Variants in UGT3A1 observed in about 807,000 individuals in gnomAD.
The protein encoded by UGT3A1 is UDP glycosyltransferase family 3 member A1.
UGT3A1 carries 40 observed loss-of-function variants against 37.6 expected under a neutral mutation model. The observed-to-expected ratio is 1.06, with a 90% confidence interval of 0.83 to 1.38. The LOEUF (loss-of-function observed/expected upper bound fraction) is 1.38, where lower values mean the gene tolerates loss of function less well. Ranked by LOEUF, UGT3A1 falls within the 40% of genes most tolerant of loss-of-function variation. The pLI is 0.00. For missense variants in UGT3A1, 642 were observed against 634.2 expected, an observed-to-expected ratio of 1.01 and a Z score of -0.13; for synonymous variants, 256 against 232.3, an observed-to-expected ratio of 1.10 and a Z score of -0.93.
intron 2 of UGT3A1, among the ~76,000 whole-genome samples, chr5:35,968,828 G>A (rs1022413317): frequency 1.3e-5 from 2 of 152,126 alleles, no homozygotes; most frequent in African/African-American, 4.8e-5. Flanking sequence ...TCCAAACCAA[G>A]CAAGCCAGGC....
intron 2 of UGT3A1, among the ~76,000 whole-genome samples, chr5:35,973,328 T>C (rs1561464423): frequency 2.0e-5 from 3 of 152,272 alleles, no homozygotes; most frequent in Non-Finnish European, 4.4e-5. Context: ...ACAATATGTA[T>C]GACAAAAATC....
In UGT3A1 at chr5:35,991,282, C is replaced by A. The variant is rs1252206341; in HGVS notation, c.-42G>T. The A allele has an allele frequency of 6.2e-7, 1 of 1,612,686 alleles. No homozygotes were observed. The highest frequency in any genetic ancestry group is 1.7e-5 in the Admixed American group (1 of 59,958). On this transcript the variant is annotated 5_prime_UTR_variant, in exon 1 of 7. Coordinates refer to ENST00000274278, the MANE Select transcript of UGT3A1 (RefSeq NM_152404.4). ...GCAGCGGATCTCAGCCTGGGCTGCGCGCCCTGCGCCGGGCTAAGGACTCTG... is the reference window on the plus strand; with the variant it reads ...GCAGCGGATCTCAGCCTGGGCTGCGAGCCCTGCGCCGGGCTAAGGACTCTG...
intron 2 of UGT3A1, among the ~76,000 whole-genome samples, chr5:35,971,864 C>T (rs1740054485): frequency 6.6e-6 from 1 of 152,182 alleles, no homozygotes; most frequent in South Asian, 2.1e-4. Flanking sequence ...AACCACCCCA[C>T]TTGTGAAGCA....
At chr5:35,974,178 C>G (rs1262770572) in intron 2 of UGT3A1, among the ~76,000 whole-genome samples, 2 of 152,124 alleles carry the variant, frequency 1.3e-5, no homozygotes, top group Non-Finnish European at 2.9e-5. Flanking sequence ...CAGCTTTTTA[C>G]TAGTGTGGCT....
At chr5:35,994,333 T>TTGTGTGTGTGTGTGTGTG (rs35026618), upstream of UGT3A1, among the ~76,000 whole-genome samples, 2 of 138,554 alleles carry the variant, frequency 1.4e-5, no homozygotes, top group South Asian at 2.5e-4. Context: ...TTTGTTTTGT[T>TTGTGTGTGTGTGTGTGTG]TGTGTGTGTG....
chr5:35,982,063 G>A (rs1740545467), intron 2 of UGT3A1, among the ~76,000 whole-genome samples: 1 of 152,264 alleles, frequency 6.6e-6, no homozygotes, highest in Admixed American at 6.5e-5. Flanking sequence ...ATGTGCAGAA[G>A]GCAAGAGTTG....
chr5:35,999,093 C>A (rs1331319837), intron 1 of UGT3A1, among the ~76,000 whole-genome samples: 5 of 151,846 alleles, frequency 3.3e-5, no homozygotes, highest in South Asian at 2.1e-4. Context: ...AAAAGTTAGC[C>A]GGGCATGGTG....
At position 35,954,319 on chromosome 5, in the gene UGT3A1, G is replaced by A; in HGVS notation, c.1455C>T (p.Leu485=). 1.2e-6 allele frequency: 2 copies of A among 1,614,218 alleles called. No homozygotes were observed. Among genetic ancestry groups the A allele is most frequent in the Non-Finnish European group, 1.7e-6 (2 of 1,180,042 alleles). Reference sequence around the variant, plus strand: ...CCAGCAGAAACACAAAGACATCAATGAGGTACTGCTCATGCCAAGGCTGCT... The same window carrying A: ...CCAGCAGAAACACAAAGACATCAATAAGGTACTGCTCATGCCAAGGCTGCT... ...AFQQPWHEQY[L]IDVFVFLLGL... Residue 485 remains leucine (L), a synonymous_variant, in exon 7 of 7, where the codon CTC becomes CTT. Coordinates refer to ENST00000274278, the MANE Select transcript of UGT3A1 (RefSeq NM_152404.4).
chr5:35,967,021 G>A (rs186155679), intron 3 of UGT3A1, among the ~76,000 whole-genome samples: 197 of 152,196 alleles, frequency 1.3e-3, no homozygotes, highest in African/African-American at 4.5e-3. Context: ...CTTCCCAAAA[G>A]TATAACATTA....
In UGT3A1 at chr5:35,951,573, A is replaced by T. The variant is rs1246965591; in HGVS notation, c.*2629T>A. ...CATAGGTTCTTTCTTCAATTTTAAT[A>T]GTTCTTAGTTTATCAGAAATATTAG... On this transcript the variant is annotated 3_prime_UTR_variant, in exon 7 of 7. Coordinates refer to ENST00000274278, the MANE Select transcript of UGT3A1 (RefSeq NM_152404.4). The T allele has an allele frequency of 6.6e-6, 1 of 152,204 alleles. No individual in the cohort carries two copies. Among genetic ancestry groups the T allele is most frequent in the Non-Finnish European group, 1.5e-5 (1 of 68,036 alleles). 9.4% of individuals were successfully genotyped at this position (152,204 alleles called of 1,614,324 possible).
chr5:35,975,060 C>T (rs969573372), intron 2 of UGT3A1, among the ~76,000 whole-genome samples: 1 of 152,224 alleles, frequency 6.6e-6, no homozygotes, highest in Non-Finnish European at 1.5e-5. Flanking sequence ...TAAATGCTCA[C>T]TTAAGGGTGA....
At chr5:35,984,935 T>C (rs1206605742) in intron 2 of UGT3A1, among the ~76,000 whole-genome samples, 1 of 152,074 alleles carries the variant, frequency 6.6e-6, no homozygotes, top group Admixed American at 6.5e-5. Context: ...CTTTAAGATA[T>C]ATTCTATAAG....
chr5:35,996,454 A>C (rs1273524561), intron 2 of UGT3A1, among the ~76,000 whole-genome samples: 2 of 152,206 alleles, frequency 1.3e-5, no homozygotes, highest in Non-Finnish European at 2.9e-5. Context: ...GGGTGTGTCT[A>C]ATAAAACAAT....
chr5:35,994,540 C>T (rs1741049362), upstream of UGT3A1, among the ~76,000 whole-genome samples: 1 of 152,078 alleles, frequency 6.6e-6, no homozygotes, highest in Admixed American at 6.5e-5. Context: ...GAAGCACTCC[C>T]TAAGATGTTC....
At chr5:35,976,394 C>T (rs1353290310) in intron 2 of UGT3A1, among the ~76,000 whole-genome samples, 2 of 152,142 alleles carry the variant, frequency 1.3e-5, no homozygotes, top group East Asian at 1.9e-4. Context: ...ACTGCAACAA[C>T]CCAATTTAAG....
At chr5:35,957,463 C>T (rs775348590) in intron 4 of UGT3A1, 44 bp from the exon 5 acceptor site, 12 of 1,516,516 alleles carry the variant, frequency 7.9e-6, no homozygotes, top group Admixed American at 3.6e-5. Flanking sequence ...AAATTGAGAA[C>T]GCCTAAGTGT....
intron 2 of UGT3A1, among the ~76,000 whole-genome samples, chr5:35,981,548 A>T (rs1265062070): frequency 1.3e-5 from 2 of 152,238 alleles, no homozygotes; most frequent in Non-Finnish European, 2.9e-5. Flanking sequence ...TGATTAGGAT[A>T]TCTGGCTGAA....
chr5:35,989,318 A>C (rs1307381041), intron 1 of UGT3A1, among the ~76,000 whole-genome samples: 2 of 152,166 alleles, frequency 1.3e-5, no homozygotes, highest in South Asian at 4.1e-4. Flanking sequence ...AAGAGGTAAA[A>C]GTTTTATCAC....
chr5:35,970,266 C>T (rs1739982808), intron 2 of UGT3A1, among the ~76,000 whole-genome samples: 1 of 152,072 alleles, frequency 6.6e-6, no homozygotes, highest in African/African-American at 2.4e-5. Context: ...GTGGCACACA[C>T]CTGTAGTCCC....
Sources: gnomAD v4.1 joint callset for allele counts (sites outside exome capture counted in the v4.1 genomes callset) on GRCh38, gnomAD v4.1.1 for gene constraint, MANE v1.5 for transcripts, NCBI Gene and HGNC (gene_info 2026-07-23, HGNC 2026-07-21) for gene names.